The following SLC24A3 variants were observed in gnomAD, a reference collection of about 807,000 sequenced individuals.
The protein encoded by SLC24A3 is sodium/potassium/calcium exchanger 3.
Under a neutral mutation model 75.8 loss-of-function variants are expected in SLC24A3, and 28 were observed. The observed-to-expected ratio is 0.37, with a 90% CI of 0.27 to 0.51. SLC24A3 has a LOEUF of 0.51. Among genes scored for constraint, SLC24A3 ranks in the 20% least tolerant of loss-of-function variants. The pLI is 0.94. For synonymous variants in SLC24A3, 372 were observed against 334.1 expected, an observed-to-expected ratio of 1.11 and a Z score of -1.24; for missense variants, 663 against 847.8, an observed-to-expected ratio of 0.78 and a Z score of 2.71.
chr20:19,581,986 G>T (rs1369745012), intron 4 of SLC24A3, among the ~76,000 whole-genome samples: 1 of 152,170 alleles, frequency 6.6e-6, no homozygotes, highest in Non-Finnish European at 1.5e-5. Flanking sequence ...TAACAAGAGT[G>T]GGTGCCCCGT....
At chr20:19,393,029 A>T (rs1313181567) in intron 2 of SLC24A3, among the ~76,000 whole-genome samples, 2 of 152,214 alleles carry the variant, frequency 1.3e-5, no homozygotes, top group Non-Finnish European at 2.9e-5. Flanking sequence ...ATCCTCAAGC[A>T]GAGAGTACAT....
Position 19,283,789 on chromosome 20 carries a change from A to T in SLC24A3, c.271+2702A>T, listed in dbSNP as rs575317345. 8.5e-5 allele frequency among the ~76,000 whole-genome samples: 13 copies of T among 152,344 alleles called. No homozygotes were observed. In the South Asian group the frequency reaches 2.5e-3, roughly 29 times the overall value. On this transcript the variant is annotated intron_variant, in intron 2 of 16. Coordinates refer to ENST00000328041, the MANE Select transcript of SLC24A3 (RefSeq NM_020689.4). ...TGTGAGAATTACTAATAAAGTGTGG[A>T]CAGCTTAGTGCCCTGGGTTTGATGG... is the stretch of plus-strand genomic sequence containing the variant.
At chr20:19,420,726 G>A (rs1276821453) in intron 2 of SLC24A3, among the ~76,000 whole-genome samples, 6 of 87,036 alleles carry the variant, frequency 6.9e-5, no homozygotes, top group Admixed American at 1.3e-4. Context: ...AAAAGAGCCC[G>A]CATCGCCAAG....
intron 2 of SLC24A3, among the ~76,000 whole-genome samples, chr20:19,335,204 T>A (rs935720415): frequency 6.6e-6 from 1 of 152,200 alleles, no homozygotes; most frequent in Non-Finnish European, 1.5e-5. Flanking sequence ...AATGAATCCC[T>A]CAAAGTCTCA....
chr20:19,680,182 G>C (rs112769864), intron 9 of SLC24A3, among the ~76,000 whole-genome samples: 1,607 of 130,372 alleles, frequency 0.012, 39 homozygotes, highest in African/African-American at 0.042. Flanking sequence ...CTGTGTGTCT[G>C]TATGTGCATG....
At chr20:19,713,572 G>C (rs1359951891) in intron 15 of SLC24A3, among the ~76,000 whole-genome samples, 1 of 152,032 alleles carries the variant, frequency 6.6e-6, no homozygotes, top group Non-Finnish European at 1.5e-5. Context: ...CACGTGGTCT[G>C]TGCCCAGCCC....
chr20:19,280,249 C>T (rs1031453669), intron 1 of SLC24A3, among the ~76,000 whole-genome samples: 44 of 152,324 alleles, frequency 2.9e-4, no homozygotes, highest in African/African-American at 9.9e-4. Flanking sequence ...TACCTGCTCT[C>T]CCAACCTACT....
chr20:19,476,060 T>C (rs1377685890), intron 2 of SLC24A3, among the ~76,000 whole-genome samples: 1 of 152,220 alleles, frequency 6.6e-6, no homozygotes, highest in East Asian at 1.9e-4. Flanking sequence ...AAACTCACTG[T>C]GGATGTAACA....
intron 2 of SLC24A3, among the ~76,000 whole-genome samples, chr20:19,424,095 G>C (rs994867210): frequency 6.6e-6 from 1 of 152,154 alleles, no homozygotes; most frequent in African/African-American, 2.4e-5. Context: ...GTAGACAAGT[G>C]GGGGTGGCTG....
At chr20:19,238,778 A>G (rs1982242850) in intron 1 of SLC24A3, among the ~76,000 whole-genome samples, 1 of 152,174 alleles carries the variant, frequency 6.6e-6, no homozygotes, top group Admixed American at 6.5e-5. Flanking sequence ...GGATGGCCAG[A>G]CAAGACACAC....
intron 12 of SLC24A3, among the ~76,000 whole-genome samples, chr20:19,691,935 C>T (rs2032749880): frequency 6.6e-6 from 1 of 152,096 alleles, no homozygotes; most frequent in Non-Finnish European, 1.5e-5. Flanking sequence ...GGACCGGAGC[C>T]CAGCACCATC....
intron 2 of SLC24A3, among the ~76,000 whole-genome samples, chr20:19,328,489 A>G (rs953334300): frequency 6.6e-6 from 1 of 152,190 alleles, no homozygotes; most frequent in South Asian, 2.1e-4. Flanking sequence ...GTGAGGCGGT[A>G]TCTGATTCCG....
chr20:19,352,532 A>AT (rs1985594242), intron 2 of SLC24A3, among the ~76,000 whole-genome samples: 1 of 152,052 alleles, frequency 6.6e-6, no homozygotes. Flanking sequence ...ACACGTTATT[A>AT]TTTTTCCTGA....
chr20:19,719,247 G>A (rs756182536), intron 16 of SLC24A3, among the ~76,000 whole-genome samples: 2 of 152,164 alleles, frequency 1.3e-5, no homozygotes, highest in Non-Finnish European at 2.9e-5. Flanking sequence ...ACCGTGGGCA[G>A]ACATTCACAA....
chr20:19,526,058 C>A (rs969872760), intron 3 of SLC24A3, among the ~76,000 whole-genome samples: 3 of 152,170 alleles, frequency 2.0e-5, no homozygotes, highest in African/African-American at 7.2e-5. Flanking sequence ...AATGGTCACA[C>A]CCTCCGCGGG....
chr20:19,214,772 A>G (rs1981507959), intron 1 of SLC24A3, among the ~76,000 whole-genome samples: 1 of 152,128 alleles, frequency 6.6e-6, no homozygotes. Flanking sequence ...TTCAGGTGCC[A>G]CTGACTCAGA....
chr20:19,522,082 T>C (rs959026914), intron 3 of SLC24A3, among the ~76,000 whole-genome samples: 1 of 152,230 alleles, frequency 6.6e-6, no homozygotes, highest in Non-Finnish European at 1.5e-5. Flanking sequence ...ATGGGAGCTA[T>C]TGAGCACTTG....
In SLC24A3 at chr20:19,693,307, T is replaced by C; in HGVS notation, c.1373T>C (p.Phe458Ser). The change falls in exon 13 of 17, where the codon TTC (phenylalanine) becomes TCC (serine). Residue 458 changes from phenylalanine to serine, a missense_variant. Physicochemically the swap from Phe to Ser is radical, Grantham distance 155 (BLOSUM62 -2). Transcript: ENST00000328041. ...VKWAFTWPLS[F>S]VLYFTVPNCN... is the part of the protein sequence containing the mutation. ...TGGGCGTTCACCTGGCCGCTGAGTT[T>C]CGTCTTATACTTCACTGTACCCAAC... 6.2e-7 allele frequency: 1 copy of C among 1,614,048 alleles called. No homozygotes were observed. Among genetic ancestry groups the C allele is most frequent in the Non-Finnish European group, 8.5e-7 (1 of 1,179,974 alleles).
At chr20:19,465,315 G>A (rs1226420856) in intron 2 of SLC24A3, among the ~76,000 whole-genome samples, 3 of 152,022 alleles carry the variant, frequency 2.0e-5, no homozygotes, top group African/African-American at 7.2e-5. Context: ...CAAGGAAGTG[G>A]ACACAGTGCC....
Sources: allele counts gnomAD v4.1 joint callset (sites outside exome capture counted in the v4.1 genomes callset), GRCh38; gene constraint gnomAD v4.1.1; transcripts MANE v1.5; gene names NCBI Gene and HGNC (gene_info 2026-07-23, HGNC 2026-07-21).